Variants in KCNMB2 observed in about 807,000 individuals in gnomAD.
KCNMB2 encodes potassium calcium-activated channel subfamily M regulatory beta subunit 2.
KCNMB2 carries 9 observed loss-of-function variants against 24.5 expected under a neutral mutation model. The observed-to-expected ratio is 0.37, with a 90% confidence interval of 0.22 to 0.64. The LOEUF is 0.64. KCNMB2 is among the 30% of genes least tolerant of loss of function. The pLI is 0.63. For missense variants in KCNMB2, 226 were observed against 284.3 expected, an observed-to-expected ratio of 0.79 and a Z score of 1.47; for synonymous variants, 109 against 104.4, an observed-to-expected ratio of 1.04 and a Z score of -0.27.
intron 1 of KCNMB2, among the ~76,000 whole-genome samples, chr3:178,754,215 A>C (rs1289432195): frequency 8.0e-6 from 1 of 125,084 alleles, no homozygotes; most frequent in Non-Finnish European, 1.6e-5. Flanking sequence ...TATATATCAC[A>C]TTTTCTTTAT....
In KCNMB2 at chr3:178,586,538, C is replaced by CTTTTTTTTTTTTTT. The variant is rs10677144; in HGVS notation, c.-68+49839_-68+49852dup. 6.6e-4 allele frequency among the ~76,000 whole-genome samples: 45 copies of CTTTTTTTTTTTTTT among 68,502 alleles called. 1 individual carries two copies. Among genetic ancestry groups the CTTTTTTTTTTTTTT allele is most frequent in the East Asian group, 1.6e-3 (3 of 1,934 alleles). 44.9% of individuals were successfully genotyped at this position (68,502 alleles called of 152,430 possible). A position where few individuals can be genotyped will look rare whatever the true frequency, so the allele number is the denominator to read the frequency against. On this transcript the variant is annotated intron_variant, in intron 1 of 4. Transcript: ENST00000452583. ...ATTTTCTTTTCTTTTTTTTTTCTTT[C>CTTTTTTTTTTTTTT]TTTTTTTTTTTTTTTTTTTTTTTTT...
intron 1 of KCNMB2, among the ~76,000 whole-genome samples, chr3:178,773,895 G>T (rs1712475885): frequency 6.6e-6 from 1 of 152,124 alleles, no homozygotes; most frequent in African/African-American, 2.4e-5. Context: ...TACTGTCTTA[G>T]TCCATTTGTG....
chr3:178,621,467 A>ATTTTATCTC (rs1169722517), intron 1 of KCNMB2, among the ~76,000 whole-genome samples: 8 of 151,578 alleles, frequency 5.3e-5, no homozygotes, highest in South Asian at 4.2e-4. Context: ...CTGCTTAAAT[A>ATTTTATCTC]TCTGCTTCCT....
intron 1 of KCNMB2, among the ~76,000 whole-genome samples, chr3:178,740,921 C>A (rs1014232511): frequency 2.0e-5 from 3 of 152,092 alleles, no homozygotes; most frequent in Non-Finnish European, 4.4e-5. Flanking sequence ...TCCTGAACAG[C>A]AGACCTGGGA....
In KCNMB2 at chr3:178,638,269, C is replaced by T. The variant is rs533796634; in HGVS notation, c.-68+101558C>T. ...GTGTGTAAAATTCAAACTCCCCAGA[C>T]TGTTTTTTGAGATCCCCACAACCTC... On this transcript the variant is annotated intron_variant, in intron 1 of 4. Transcript: ENST00000452583. Among the ~76,000 whole-genome samples the T allele has an allele frequency of 2.0e-5, 3 of 152,270 alleles. No individual in the cohort carries two copies. The East Asian group carries it at 5.8e-4, about 29-fold the overall frequency.
intron 1 of KCNMB2, among the ~76,000 whole-genome samples, chr3:178,803,629 C>T (rs1377360541): frequency 1.3e-5 from 2 of 152,172 alleles, no homozygotes; most frequent in African/African-American, 4.8e-5. Flanking sequence ...TATAACCTAG[C>T]ATGGGAGGCA....
At chr3:178,650,390 C>T (rs1720067934) in intron 1 of KCNMB2, among the ~76,000 whole-genome samples, 1 of 151,986 alleles carries the variant, frequency 6.6e-6, no homozygotes. Flanking sequence ...TCTTCAATAT[C>T]CTTGTTAATT....
At chr3:178,807,772 C>A (rs1161713440) in intron 2 of KCNMB2, among the ~76,000 whole-genome samples, 1 of 152,158 alleles carries the variant, frequency 6.6e-6, no homozygotes, top group Non-Finnish European at 1.5e-5. Flanking sequence ...CCATCATCTT[C>A]TTTAACCAAA....
At chr3:178,827,064 G>T (rs1714864145) in intron 3 of KCNMB2, among the ~76,000 whole-genome samples, 2 of 152,144 alleles carry the variant, frequency 1.3e-5, no homozygotes, top group African/African-American at 2.4e-5. Context: ...CTTCACACAT[G>T]CAAAGGGGTA....
At chr3:178,623,807 C>T (rs919880055) in intron 1 of KCNMB2, among the ~76,000 whole-genome samples, 9 of 152,264 alleles carry the variant, frequency 5.9e-5, no homozygotes, top group Middle Eastern at 3.4e-3. Flanking sequence ...TTCAAGGCCT[C>T]AATTTAAAAT....
intron 1 of KCNMB2, among the ~76,000 whole-genome samples, chr3:178,697,914 T>A (rs1488019799): frequency 6.6e-6 from 1 of 151,760 alleles, no homozygotes; most frequent in Non-Finnish European, 1.5e-5. Context: ...TTTTTAAGAA[T>A]GTTGAATATT....
At chr3:178,552,475 A>G (rs1478428224) in intron 1 of KCNMB2, among the ~76,000 whole-genome samples, 3 of 151,996 alleles carry the variant, frequency 2.0e-5, no homozygotes, top group African/African-American at 7.2e-5. Flanking sequence ...CCTCTATTTT[A>G]TTTACCTAAT....
chr3:178,537,161 C>CA (rs1715437643), intron 1 of KCNMB2: 2 of 152,236 alleles, frequency 1.3e-5, no homozygotes, highest in Non-Finnish European at 2.9e-5. Context: ...TTTTGATGGT[C>CA]AGAGTCTGAT....
intron 1 of KCNMB2, among the ~76,000 whole-genome samples, chr3:178,633,548 G>A (rs1274029297): frequency 6.6e-6 from 1 of 152,196 alleles, no homozygotes; most frequent in Non-Finnish European, 1.5e-5. Context: ...GAGGGGCTGG[G>A]ATGTGGGGCA....
At chr3:178,680,316 G>A (rs1041954774) in intron 1 of KCNMB2, among the ~76,000 whole-genome samples, 1 of 152,084 alleles carries the variant, frequency 6.6e-6, no homozygotes, top group African/African-American at 2.4e-5. Context: ...TCTCTTCAGG[G>A]CCTGTCCGGC....
chr3:178,567,430 A>C (rs2108471595), intron 1 of KCNMB2, among the ~76,000 whole-genome samples: 1 of 152,264 alleles, frequency 6.6e-6, no homozygotes, highest in East Asian at 1.9e-4. Context: ...GTATTCAATA[A>C]ATGATCACTA....
At chr3:178,712,700 A>G (rs1399794179) in intron 1 of KCNMB2, among the ~76,000 whole-genome samples, 1 of 152,344 alleles carries the variant, frequency 6.6e-6, no homozygotes, top group East Asian at 1.9e-4. Context: ...TAACTTGCCC[A>G]AGGTCGTACA....
At chr3:178,585,415 ACTT>A (rs1717392274) in intron 1 of KCNMB2, among the ~76,000 whole-genome samples, 1 of 152,274 alleles carries the variant, frequency 6.6e-6, no homozygotes, top group Non-Finnish European at 1.5e-5. Flanking sequence ...AGACTAGAGA[ACTT>A]CTTTTTCATG....
At chr3:178,704,515 G>T (rs1423905969) in intron 1 of KCNMB2, among the ~76,000 whole-genome samples, 2 of 152,044 alleles carry the variant, frequency 1.3e-5, no homozygotes, top group Non-Finnish European at 2.9e-5. Context: ...GTCATATGGG[G>T]CTAGTGGCTA....
Sources: gnomAD v4.1 joint callset for allele counts (sites outside exome capture counted in the v4.1 genomes callset) on GRCh38, gnomAD v4.1.1 for gene constraint, MANE v1.5 for transcripts, NCBI Gene and HGNC (gene_info 2026-07-23, HGNC 2026-07-21) for gene names.